CDH10: variants seen among roughly 807,000 people sequenced by gnomAD.
The protein encoded by CDH10 is cadherin-10.
In CDH10, 30 loss-of-function variants were observed where a neutral mutation model predicts 73.1. The ratio of observed to expected loss-of-function variants is 0.41; its 90% CI spans 0.31 to 0.56. The LOEUF (loss-of-function observed/expected upper bound fraction) is 0.56. Among genes scored for constraint, CDH10 ranks in the 20% least tolerant of loss-of-function variants. The probability of loss-of-function intolerance (pLI) is 0.27; values close to 1 mark genes in which losing one functional copy is unlikely to be tolerated. For synonymous variants in CDH10, 345 were observed against 348.2 expected (o/e 0.99, Z 0.10); for missense variants, 815 against 973.7 (o/e 0.84, Z 2.17).
intron 5 of CDH10, among the ~76,000 whole-genome samples, chr5:24,516,447 A>G (rs1022983582): frequency 1.3e-5 from 2 of 149,912 alleles, no homozygotes; most frequent in Non-Finnish European, 3.0e-5. Flanking sequence ...GCAACAATTA[A>G]TACCACCATT....
Position 24,491,834 on chromosome 5 carries a change from C to G in CDH10, c.1625-7G>C, listed in dbSNP as rs771079378. ...AAGATTCTGGCAGTATTATCTAAAA[C>G]AAATTTTAAAATATTACAAATGGTT... On this transcript the variant is annotated splice_region_variant and splice_polypyrimidine_tract_variant and intron_variant, in intron 10 of 11. Coordinates refer to ENST00000264463, the MANE Select transcript of CDH10 (RefSeq NM_006727.5). 6.4e-7 allele frequency: 1 copy of G among 1,569,256 alleles called. No individual in the cohort carries two copies. Among genetic ancestry groups the G allele is most frequent in the Non-Finnish European group, 8.7e-7 (1 of 1,143,672 alleles).
intron 9 of CDH10, among the ~76,000 whole-genome samples, chr5:24,495,895 C>A (rs141023861): frequency 0.016 from 2,346 of 148,086 alleles, 36 homozygotes; most frequent in Non-Finnish European, 0.025. Context: ...AAAAAAAAAG[C>A]ACCCTTGAAC....
chr5:24,640,180 A>G (rs1163860269), intron 1 of CDH10, among the ~76,000 whole-genome samples: 3 of 151,812 alleles, frequency 2.0e-5, no homozygotes, highest in Non-Finnish European at 4.4e-5. Flanking sequence ...ACAACAGGGC[A>G]ATTTTTTTTA....
chr5:24,547,407 T>C (rs1744383596), intron 2 of CDH10, among the ~76,000 whole-genome samples: 1 of 152,104 alleles, frequency 6.6e-6, no homozygotes, highest in Non-Finnish European at 1.5e-5. Flanking sequence ...GGCAGCTGCT[T>C]TTTCCCGAGG....
At chr5:24,498,683 T>C in intron 8 of CDH10, among the ~76,000 whole-genome samples, 164 bp from the exon 9 acceptor site, 1 of 152,196 alleles carries the variant, frequency 6.6e-6, no homozygotes, top group South Asian at 2.1e-4. Context: ...CTGCAGAGCC[T>C]AATTAAGTAG....
intron 2 of CDH10, among the ~76,000 whole-genome samples, chr5:24,541,285 A>G (rs922603917): frequency 6.6e-6 from 1 of 151,846 alleles, no homozygotes; most frequent in African/African-American, 2.4e-5. Context: ...ATTTCTCTTT[A>G]GTTTTTTTAA....
intron 2 of CDH10, among the ~76,000 whole-genome samples, chr5:24,556,095 T>C (rs550187562): frequency 6.6e-6 from 1 of 152,248 alleles, no homozygotes; most frequent in South Asian, 2.1e-4. Flanking sequence ...ACAAAAATAA[T>C]GCAAATTTAA....
intron 1 of CDH10, among the ~76,000 whole-genome samples, chr5:24,617,370 G>A (rs1423646274): frequency 6.6e-6 from 1 of 152,128 alleles, no homozygotes; most frequent in Non-Finnish European, 1.5e-5. Flanking sequence ...TTTGTATTGA[G>A]ATCAATAAGA....
chr5:24,504,001 T>G (rs977341110), intron 8 of CDH10, among the ~76,000 whole-genome samples: 1 of 152,176 alleles, frequency 6.6e-6, no homozygotes, highest in South Asian at 2.1e-4. Context: ...TTAATGTTTT[T>G]AATTTTTCCA....
At chr5:24,619,168 T>C (rs1184360171) in intron 1 of CDH10, among the ~76,000 whole-genome samples, 1 of 151,916 alleles carries the variant, frequency 6.6e-6, no homozygotes, top group African/African-American at 2.4e-5. Flanking sequence ...ATGGTACCTC[T>C]AGTCTCATCT....
At chr5:24,613,683 A>G (rs934109126) in intron 1 of CDH10, among the ~76,000 whole-genome samples, 1 of 152,134 alleles carries the variant, frequency 6.6e-6, no homozygotes, top group Non-Finnish European at 1.5e-5. Flanking sequence ...AGCTTTAAAT[A>G]AACTTCGAGG....
In CDH10 at chr5:24,537,396, G is replaced by A. The variant is rs201619572; in HGVS notation, c.510C>T (p.Pro170=). The A allele has an allele frequency of 1.3e-4, 215 of 1,609,486 alleles. No individual in the cohort carries two copies. In the East Asian group the frequency reaches 1.4e-3, roughly 11 times the overall value. The change falls in exon 3 of 12, where the codon CCC becomes CCT. Residue 170 remains proline, a synonymous_variant. Coordinates refer to ENST00000264463, the MANE Select transcript of CDH10 (RefSeq NM_006727.5). ...TGAACTTACCTACAACAGACATTTC[G>A]GGAACACTAGCTGTATAGATTTCTT... ...FPEEIYTASV[P]EMSVVGTSVV...
At chr5:24,508,189 C>A (rs1311842677) in intron 7 of CDH10, among the ~76,000 whole-genome samples, 2 of 152,090 alleles carry the variant, frequency 1.3e-5, no homozygotes, top group African/African-American at 4.8e-5. Flanking sequence ...CAAATGAAAT[C>A]CAAAATACAA....
In CDH10 at chr5:24,487,842, A is replaced by AG; in HGVS notation, c.2187dup (p.Tyr730LeufsTer10). On this transcript the variant is annotated frameshift_variant, in exon 12 of 12. Transcript: ENST00000264463. LOFTEE classifies it high-confidence loss of function. ...TAGGCATAGGTTGCAAGTGAGTCGT[A>AG]GGGGGGTGCGGTGGGGTCAAGATCA... 3 of 1,613,864 alleles carry AG rather than the reference A, an allele frequency of 1.9e-6. No homozygotes were observed. The highest frequency in any genetic ancestry group is 2.5e-6 in the Non-Finnish European group (3 of 1,179,902).
chr5:24,575,864 T>C (rs1269443728), intron 2 of CDH10, among the ~76,000 whole-genome samples: 1 of 152,146 alleles, frequency 6.6e-6, no homozygotes. Flanking sequence ...TAGGTTTCTA[T>C]TGTATATTTT....
chr5:24,546,863 C>T lies in CDH10; in HGVS notation c.232-9189G>A, dbSNP rs922450726. 2.6e-5 allele frequency among the ~76,000 whole-genome samples: 4 copies of T among 151,988 alleles called. 1 individual carries two copies. Among genetic ancestry groups the T allele is most frequent in the Admixed American group, 2.6e-4 (4 of 15,240 alleles). On this transcript the variant is annotated intron_variant, in intron 2 of 11. Transcript: ENST00000264463. ...TTTATTTATAAAAGAAAATGGACAT[C>T]AGAGCCAGATGTCAAACAAATAAAT...
In CDH10 at chr5:24,496,006, T is replaced by A. The variant is rs535131525; in HGVS notation, c.1515+2392A>T. ...AGGAATGCTTCAGTGATCATATTATTATGGTGTCTGGAACAATGAATGGGT... is the reference window on the plus strand; with the variant it reads ...AGGAATGCTTCAGTGATCATATTATAATGGTGTCTGGAACAATGAATGGGT... On this transcript the variant is annotated intron_variant, in intron 9 of 11. Transcript: ENST00000264463. 2.6e-5 allele frequency among the ~76,000 whole-genome samples: 4 copies of A among 152,274 alleles called. No individual in the cohort carries two copies. The South Asian group carries it at 8.3e-4, about 32-fold the overall frequency.
chr5:24,512,363 T>G (rs1742948050), intron 5 of CDH10, among the ~76,000 whole-genome samples: 1 of 152,188 alleles, frequency 6.6e-6, no homozygotes, highest in Admixed American at 6.5e-5. Context: ...TTATGTGTGT[T>G]TACACAATCA....
rs548293027 is a variant in CDH10 at position 24,557,961 on chromosome 5, A to G, written c.232-20287T>C. 7.2e-5 allele frequency among the ~76,000 whole-genome samples: 11 copies of G among 151,918 alleles called. No homozygotes were observed. In the South Asian group the frequency reaches 2.1e-3, roughly 29 times the overall value. On this transcript the variant is annotated intron_variant, in intron 2 of 11. Transcript: ENST00000264463. Reference sequence around the variant, plus strand: ...TTTTATATTTGGCTTAAAACTTTCAACCACCCCCAGAATTCAAATTTTTAG... The same window carrying G: ...TTTTATATTTGGCTTAAAACTTTCAGCCACCCCCAGAATTCAAATTTTTAG...
Sources: allele counts gnomAD v4.1 joint callset (sites outside exome capture counted in the v4.1 genomes callset), GRCh38; gene constraint gnomAD v4.1.1; transcripts MANE v1.5; gene names NCBI Gene and HGNC (gene_info 2026-07-23, HGNC 2026-07-21).